The following AGBL4 variants were observed in gnomAD, a reference collection of about 807,000 sequenced individuals.
AGBL4 encodes cytosolic carboxypeptidase 6.
Under a neutral mutation model 66.4 loss-of-function variants are expected in AGBL4, and 58 were observed. The observed-to-expected ratio is 0.87, with a 90% CI of 0.71 to 1.09. AGBL4 has a LOEUF of 1.09. Ranked by LOEUF, AGBL4 falls within the 50% of genes least tolerant of loss-of-function variation. AGBL4 has a pLI of 0.00. For missense variants in AGBL4, 579 were observed against 631.0 expected (o/e 0.92, Z 0.88); for synonymous variants, 234 against 222.9 (o/e 1.05, Z -0.44).
At chr1:49,165,345 G>A (rs1646614758) in intron 4 of AGBL4, among the ~76,000 whole-genome samples, 1 of 152,110 alleles carries the variant, frequency 6.6e-6, no homozygotes, top group Non-Finnish European at 1.5e-5. Flanking sequence ...AGCACAGGGA[G>A]ACAAATTTGA....
At chr1:48,833,058 G>C in intron 6 of AGBL4, among the ~76,000 whole-genome samples, 1 of 152,180 alleles carries the variant, frequency 6.6e-6, no homozygotes, top group East Asian at 1.9e-4. Context: ...TTACAATACA[G>C]ATCTAGGTCT....
intron 5 of AGBL4, among the ~76,000 whole-genome samples, chr1:48,978,276 G>A (rs1659497572): frequency 6.6e-6 from 1 of 152,138 alleles, no homozygotes; most frequent in Admixed American, 6.6e-5. Flanking sequence ...TCTGCTGTGT[G>A]ATACTGCAAA....
intron 4 of AGBL4, among the ~76,000 whole-genome samples, chr1:49,188,783 C>T (rs1017272810): frequency 5.9e-5 from 9 of 152,158 alleles, no homozygotes; most frequent in Non-Finnish European, 1.2e-4. Context: ...GAGCAAGTCT[C>T]TTAACCTCTC....
intron 2 of AGBL4, among the ~76,000 whole-genome samples, chr1:49,743,400 A>T (rs1650706277): frequency 6.6e-6 from 1 of 152,138 alleles, no homozygotes; most frequent in Non-Finnish European, 1.5e-5. Context: ...AAGTCAGGAA[A>T]CAACAGGTGC....
intron 6 of AGBL4, among the ~76,000 whole-genome samples, chr1:48,841,400 AC>A (rs35019022): frequency 0.1 from 10,679 of 103,128 alleles, 546 homozygotes; most frequent in East Asian, 0.25. Context: ...TTACTACAAA[AC>A]CCCCCCCCCC....
chr1:48,728,123 T>C (rs999915342), intron 6 of AGBL4: 3 of 1,319,532 alleles, frequency 2.3e-6, no homozygotes, highest in African/African-American at 3.0e-5. Context: ...AAAGAAAATG[T>C]ACCTCCCAAC....
intron 2 of AGBL4, among the ~76,000 whole-genome samples, chr1:49,698,990 T>C (rs548792205): frequency 2.6e-5 from 4 of 152,028 alleles, no homozygotes; most frequent in Non-Finnish European, 5.9e-5. Context: ...GATAGGTAAA[T>C]TGAAACCCAG....
At chr1:49,825,674 CTT>C (rs1645490364) in intron 2 of AGBL4, among the ~76,000 whole-genome samples, 1 of 152,146 alleles carries the variant, frequency 6.6e-6, no homozygotes, top group Non-Finnish European at 1.5e-5. Context: ...CAGTTGAAGA[CTT>C]GAATAGAACA....
At chr1:49,239,013 A>G (rs564519069) in intron 4 of AGBL4, among the ~76,000 whole-genome samples, 1 of 152,178 alleles carries the variant, frequency 6.6e-6, no homozygotes, top group Non-Finnish European at 1.5e-5. Context: ...TGCGCTCTAG[A>G]AATAGAGGGA....
chr1:49,654,180 A>G (rs559400946), intron 3 of AGBL4, among the ~76,000 whole-genome samples: 2 of 152,288 alleles, frequency 1.3e-5, no homozygotes, highest in East Asian at 1.9e-4. Flanking sequence ...CAACATTCTT[A>G]AAGAAAAAAA....
At chr1:48,631,384 T>C (rs1410511443) in intron 9 of AGBL4, among the ~76,000 whole-genome samples, 1 of 152,192 alleles carries the variant, frequency 6.6e-6, no homozygotes, top group African/African-American at 2.4e-5. Context: ...CTAGGTGTTT[T>C]TGCATCATTA....
intron 2 of AGBL4, among the ~76,000 whole-genome samples, chr1:49,722,599 A>G (rs1484613836): frequency 6.6e-6 from 1 of 152,160 alleles, no homozygotes; most frequent in Non-Finnish European, 1.5e-5. Context: ...GACATTTTCA[A>G]AATCATTCTT....
At chr1:50,000,423 A>C (rs1457066471) in intron 1 of AGBL4, among the ~76,000 whole-genome samples, 2 of 152,150 alleles carry the variant, frequency 1.3e-5, no homozygotes, top group Non-Finnish European at 2.9e-5. Flanking sequence ...AAAAATAATA[A>C]GATGTTGGCG....
intron 5 of AGBL4, among the ~76,000 whole-genome samples, chr1:48,934,908 C>T (rs1461377713): frequency 1.3e-5 from 2 of 152,214 alleles, no homozygotes; most frequent in Non-Finnish European, 2.9e-5. Flanking sequence ...TTTGTATGAT[C>T]ATGCTTTTGG....
chr1:49,835,459 G>T (rs1287733209), intron 2 of AGBL4, among the ~76,000 whole-genome samples: 1 of 151,994 alleles, frequency 6.6e-6, no homozygotes, highest in Non-Finnish European at 1.5e-5. Flanking sequence ...TTGAGCCTAT[G>T]TGTGTCTTTG....
chr1:49,006,457 C>T (rs1481985621), intron 5 of AGBL4, among the ~76,000 whole-genome samples: 1 of 152,196 alleles, frequency 6.6e-6, no homozygotes, highest in Non-Finnish European at 1.5e-5. Context: ...GGGAGGGGCG[C>T]CCGCCATTGC....
rs72901808 is a variant in AGBL4 at position 49,509,752 on chromosome 1, G to A, written c.282+187561C>T. Among the ~76,000 whole-genome samples, 1,328 of 151,938 alleles carry A rather than the reference G, an allele frequency of 8.7e-3. 17 individuals carry two copies. Among genetic ancestry groups the A allele is most frequent in the African/African-American group, 0.031 (1,272 of 41,474 alleles). On this transcript the variant is annotated intron_variant, in intron 3 of 13. Transcript: ENST00000371839. ...TGCTTACAACCTTTATGGCCTTGGA[G>A]CAAGTTACCAAATTTTTCTGTCCCT... is the stretch of plus-strand genomic sequence containing the variant.
intron 6 of AGBL4, among the ~76,000 whole-genome samples, chr1:48,762,656 G>GTATGTA (rs60322867): frequency 2.9e-5 from 4 of 138,636 alleles, no homozygotes; most frequent in Non-Finnish European, 4.7e-5. Context: ...GTGTGTGTGT[G>GTATGTA]TGTATGTATT....
At chr1:49,038,654 A>ATAG (rs1664858523) in intron 5 of AGBL4, among the ~76,000 whole-genome samples, 1 of 152,054 alleles carries the variant, frequency 6.6e-6, no homozygotes, top group Non-Finnish European at 1.5e-5. Flanking sequence ...AATGAGATAC[A>ATAG]GTACACACCT....
Sources: gnomAD v4.1 joint callset for allele counts (sites outside exome capture counted in the v4.1 genomes callset) on GRCh38, gnomAD v4.1.1 for gene constraint, MANE v1.5 for transcripts, NCBI Gene and HGNC (gene_info 2026-07-23, HGNC 2026-07-21) for gene names.